COL23A1: variants seen among roughly 807,000 people sequenced by gnomAD.
COL23A1 encodes the protein collagen type XXIII alpha 1 chain.
In COL23A1, 97 loss-of-function variants were observed where a neutral mutation model predicts 99.3. The ratio of observed to expected loss-of-function variants is 0.98; its 90% CI spans 0.83 to 1.16. The LOEUF (loss-of-function observed/expected upper bound fraction) is 1.16, where lower values mean the gene tolerates loss of function less well. Among genes scored for constraint, COL23A1 ranks in the 50% most tolerant of loss-of-function variants. The pLI is 0.00. For synonymous variants in COL23A1, 320 were observed against 308.2 expected (o/e 1.04, Z -0.40); for missense variants, 762 against 757.4 (o/e 1.01, Z -0.07).
At chr5:178,583,988 C>CGG (rs1763789320) in intron 1 of COL23A1, among the ~76,000 whole-genome samples, 1 of 152,132 alleles carries the variant, frequency 6.6e-6, no homozygotes, top group South Asian at 2.1e-4. Flanking sequence ...CTCAGTGTCT[C>CGG]GAGGAGCTGG....
chr5:178,436,123 G>A (rs1196211671), intron 2 of COL23A1, among the ~76,000 whole-genome samples: 1 of 152,188 alleles, frequency 6.6e-6, no homozygotes, highest in Non-Finnish European at 1.5e-5. Context: ...GGCTGAGTGG[G>A]AGGGGAGAGG....
intron 1 of COL23A1, among the ~76,000 whole-genome samples, chr5:178,568,151 G>A (rs145875553): frequency 6.6e-6 from 1 of 152,178 alleles, no homozygotes; most frequent in Non-Finnish European, 1.5e-5. Context: ...CCCAAATTGT[G>A]AGACATTCTA....
At chr5:178,539,227 G>C (rs1452968458) in intron 2 of COL23A1, among the ~76,000 whole-genome samples, 1 of 152,134 alleles carries the variant, frequency 6.6e-6, no homozygotes, top group Admixed American at 6.5e-5. Flanking sequence ...TACGGTGTCT[G>C]ACTTCAATCT....
chr5:178,348,905 A>C (rs564355333), intron 2 of COL23A1, among the ~76,000 whole-genome samples: 42 of 152,216 alleles, frequency 2.8e-4, no homozygotes, highest in African/African-American at 9.6e-4. Context: ...GTCCCACTGC[A>C]GAGGGTCAGC....
intron 1 of COL23A1, among the ~76,000 whole-genome samples, chr5:178,564,867 G>A (rs550547755): frequency 2.6e-5 from 4 of 152,308 alleles, no homozygotes; most frequent in Admixed American, 6.5e-5. Context: ...ATTTATTCCT[G>A]TAAAACGCTG....
chr5:178,527,221 G>A (rs1345866961), intron 2 of COL23A1, among the ~76,000 whole-genome samples: 1 of 152,210 alleles, frequency 6.6e-6, no homozygotes, highest in Non-Finnish European at 1.5e-5. Flanking sequence ...AGGCATGCTG[G>A]CAGCAAAAGT....
At chr5:178,566,790 T>G (rs558247329) in intron 1 of COL23A1, among the ~76,000 whole-genome samples, 7 of 151,494 alleles carry the variant, frequency 4.6e-5, no homozygotes, top group Non-Finnish European at 1.0e-4. Flanking sequence ...CACTCCAGCC[T>G]GGGCGACAGA....
rs190049396 is a variant in COL23A1, at chr5:178,255,006, G to A, written c.903C>T (p.Gly301=). The A allele has an allele frequency of 1.5e-4, 243 of 1,613,470 alleles. 2 individuals are homozygous for A. The East Asian group carries it at 4.9e-3, about 32-fold the overall frequency. ...CGATCACCACTGTGTCTCCCTGCTC[G>A]CCCTTGAGGCCTGGGGCACCCTGAG... is the stretch of plus-strand genomic sequence containing the variant. ...AGPRGAPGLK[G]EQGDTVVIDY... Residue 301 remains glycine, a synonymous_variant, in exon 16 of 29, where the codon GGC becomes GGT. Coordinates refer to ENST00000390654, the MANE Select transcript of COL23A1 (RefSeq NM_173465.4). The surrounding 1 kb of genome is among the most constrained non-coding windows in gnomAD (Gnocchi z 4.2).
Position 178,306,914 on chromosome 5 carries a change from G to A in COL23A1, c.367C>T (p.Pro123Ser). Residue 123 changes from proline (P) to serine (S), a missense_variant, in exon 3 of 29, where the codon CCT (proline) becomes TCT (serine). By Grantham distance (74) the Pro-to-Ser change is moderately conservative. Coordinates refer to ENST00000390654, the MANE Select transcript of COL23A1 (RefSeq NM_173465.4). This position sits in a 1 kb window ranked among gnomAD's most constrained non-coding sequence, Gnocchi z 4.1. ...PSECVCPPGP[P>S]GRRGKPGRRG... The stretch of plus-strand genomic sequence containing the variant: ...CTCCCAGGCTTGCCGCGCCGTCCAG[G>A]GGGCCCTAGACAGGAAAACAAGAAT... The A allele has an allele frequency of 6.5e-7, 1 of 1,539,860 alleles. No individual in the cohort carries two copies. The highest frequency in any genetic ancestry group is 8.7e-7 in the Non-Finnish European group (1 of 1,143,100).
At chr5:178,566,410 A>G (rs1762843950) in intron 1 of COL23A1, among the ~76,000 whole-genome samples, 2 of 152,258 alleles carry the variant, frequency 1.3e-5, no homozygotes, top group Non-Finnish European at 2.9e-5. Context: ...GGAGAAACCC[A>G]GGCTAGAATA....
intron 2 of COL23A1, among the ~76,000 whole-genome samples, chr5:178,503,728 T>C (rs553195455): frequency 7.2e-5 from 11 of 152,032 alleles, no homozygotes; most frequent in Non-Finnish European, 1.6e-4. Context: ...GGGTATAGGA[T>C]ATATGGGTGT....
intron 3 of COL23A1, among the ~76,000 whole-genome samples, chr5:178,299,761 CTTAT>C (rs1215669457): frequency 1.4e-5 from 2 of 140,758 alleles, no homozygotes; most frequent in African/African-American, 3.2e-5. Context: ...TATTTATTTA[CTTAT>C]TTATTTGAGA....
At chr5:178,393,945 G>A (rs940484891) in intron 2 of COL23A1, among the ~76,000 whole-genome samples, 2 of 152,156 alleles carry the variant, frequency 1.3e-5, no homozygotes, top group Non-Finnish European at 2.9e-5. Flanking sequence ...CTTTTCAACT[G>A]ATTTTCCAAG....
intron 18 of COL23A1, among the ~76,000 whole-genome samples, chr5:178,249,716 A>ACACACACACACT: frequency 1.4e-3 from 130 of 92,806 alleles, no homozygotes; most frequent in African/African-American, 4.9e-3. Context: ...ACACACACAC[A>ACACACACACACT]CTCTCTCTCT....
At position 178,275,273 on chromosome 5, in the gene COL23A1, C is replaced by T. The variant is rs564036472; in HGVS notation, c.442-4910G>A. Among the ~76,000 whole-genome samples, 9 of 152,350 alleles carry T rather than the reference C, an allele frequency of 5.9e-5. No individual in the cohort carries two copies. The East Asian group carries it at 9.6e-4, about 16-fold the overall frequency. On this transcript the variant is annotated intron_variant, in intron 5 of 28. Transcript: ENST00000390654. Reference sequence around the variant, plus strand: ...GCGAAGCCCCACGGGCAAGCAGACACTGGATTAGGGTTTGCCCTGGCCCTG... The same window carrying T: ...GCGAAGCCCCACGGGCAAGCAGACATTGGATTAGGGTTTGCCCTGGCCCTG...
In COL23A1 at chr5:178,365,136, C is replaced by CGTGTGTGTGTGTGTGTGTGT. The variant is rs55995523; in HGVS notation, c.362-58237_362-58218dup. Among the ~76,000 whole-genome samples, 3 of 147,806 alleles carry CGTGTGTGTGTGTGTGTGTGT rather than the reference C, an allele frequency of 2.0e-5. No individual in the cohort carries two copies. Among genetic ancestry groups the CGTGTGTGTGTGTGTGTGTGT allele is most frequent in the East Asian group, 4.1e-4 (2 of 4,878 alleles). On this transcript the variant is annotated intron_variant, in intron 2 of 28. Coordinates refer to ENST00000390654, the MANE Select transcript of COL23A1 (RefSeq NM_173465.4). The surrounding 1 kb of genome is among the most constrained non-coding windows in gnomAD (Gnocchi z 5.2). ...GGGCTTTATGATGTTGCTGTGTGTG[C>CGTGTGTGTGTGTGTGTGTGT]GTGTGTGTGTGTGTGTGTGTGTGTG...
chr5:178,274,671 CAGA>C (rs773951684), intron 5 of COL23A1, among the ~76,000 whole-genome samples: 3 of 152,298 alleles, frequency 2.0e-5, no homozygotes, highest in East Asian at 3.9e-4. Context: ...GCATCTCCCA[CAGA>C]AGGAGTGGGA....
chr5:178,310,528 G>A lies in COL23A1; in HGVS notation c.362-3609C>T, dbSNP rs981589818. On this transcript the variant is annotated intron_variant, in intron 2 of 28. Transcript: ENST00000390654. The surrounding 1 kb of genome is among the most constrained non-coding windows in gnomAD (Gnocchi z 4.3). ...GAACTCTGGGGCTAAGCCAGGTGAA[G>A]GGGCCCACCTAAGGCTGTGTTGCTA... Among the ~76,000 whole-genome samples the A allele has an allele frequency of 7.2e-5, 11 of 152,338 alleles. No homozygotes were observed. Among genetic ancestry groups the A allele is most frequent in the Middle Eastern group, 3.4e-3 (1 of 294 alleles).
At chr5:178,488,930 A>T (rs1263840531) in intron 2 of COL23A1, among the ~76,000 whole-genome samples, 6 of 152,212 alleles carry the variant, frequency 3.9e-5, no homozygotes, top group Admixed American at 3.9e-4. Context: ...GTGCAAACAC[A>T]CCAGCTCTCC....
Sources: allele counts gnomAD v4.1 joint callset (sites outside exome capture counted in the v4.1 genomes callset), GRCh38; gene constraint gnomAD v4.1.1; non-coding constraint Gnocchi (gnomAD v3.1); transcripts MANE v1.5; gene names NCBI Gene and HGNC (gene_info 2026-07-23, HGNC 2026-07-21).